Variants in TASL observed in about 807,000 individuals in gnomAD.
The protein encoded by TASL is TLR adapter interacting with SLC15A4 on the lysosome.
A neutral mutation model predicts 12.9 loss-of-function variants in TASL; 6 were observed. The ratio of observed to expected loss-of-function variants is 0.46; its 90% CI spans 0.25 to 0.92. The LOEUF is 0.92. TASL is among the 40% of genes least tolerant of loss of function. The probability of loss-of-function intolerance (pLI) is 0.17; values close to 1 mark genes in which losing one functional copy is unlikely to be tolerated. For missense variants in TASL, 165 were observed against 212.8 expected (o/e 0.78, Z 1.40); for synonymous variants, 85 against 79.3 (o/e 1.07, Z -0.38).
chrX:30,566,020 C>T (rs953918889), intron 2 of TASL, among the ~76,000 whole-genome samples: 5 of 110,437 alleles, frequency 4.5e-5, no homozygotes, highest in Non-Finnish European at 7.6e-5. Flanking sequence ...ATCCACCTAC[C>T]TTGGCCTCCC....
At chrX:30,571,155 GAAC>G (rs1428408758) in intron 2 of TASL, among the ~76,000 whole-genome samples, 1 of 103,554 alleles carries the variant, frequency 9.7e-6, no homozygotes, top group Non-Finnish European at 2.0e-5. Flanking sequence ...ATTCCAGCCT[GAAC>G]AACAAGAGCA....
chrX:30,572,995 G>A (rs751244998), intron 2 of TASL, among the ~76,000 whole-genome samples: 3 of 112,140 alleles, frequency 2.7e-5, no homozygotes, highest in South Asian at 7.5e-4. Flanking sequence ...GCTGTATGCC[G>A]AGTGCTTTCC....
intron 2 of TASL, among the ~76,000 whole-genome samples, chrX:30,572,177 T>C (rs1051167753): frequency 2.7e-5 from 3 of 112,078 alleles, no homozygotes; most frequent in African/African-American, 9.7e-5. Flanking sequence ...ATTAACCTTA[T>C]GTGCAAATTC....
Position 30,559,397 on chromosome X carries a change from A to G in TASL, c.*53T>C, listed in dbSNP as rs1189602365. 5 of 934,943 alleles carry G rather than the reference A, an allele frequency of 5.3e-6. No individual in the cohort carries two copies. The highest frequency in any genetic ancestry group is 7.4e-6 in the Non-Finnish European group (5 of 674,294). 77.0% of individuals were successfully genotyped at this position (934,943 alleles called of 1,213,427 possible). ...CTGCACATTCTCAGAATAAATGGAT[A>G]AAGTGTTGCTTCATGTTTAAGTAAA... On this transcript the variant is annotated 3_prime_UTR_variant, in exon 3 of 3. Coordinates refer to ENST00000378962, the MANE Select transcript of TASL (RefSeq NM_025159.3).
intron 1 of TASL, among the ~76,000 whole-genome samples, chrX:30,577,147 T>A: frequency 8.9e-6 from 1 of 112,297 alleles, no homozygotes; most frequent in Middle Eastern, 4.6e-3. Context: ...CTGAACTGAA[T>A]AATTGAGAGT....
At chrX:30,562,980 A>C (rs756910249) in intron 2 of TASL, among the ~76,000 whole-genome samples, 1 of 110,059 alleles carries the variant, frequency 9.1e-6, no homozygotes, top group Admixed American at 9.7e-5. Flanking sequence ...GTACAACAAC[A>C]TTTTAGAAGC....
rs745763108 is a variant in TASL, at chrX:30,571,466, A to C, written c.-2+5286T>G. Reference sequence around the variant, plus strand: ...AAACCCCATCTTTACTAAAAATACAAAAAATTAGCAGGGCGTGGTGGTGCA... The same window carrying C: ...AAACCCCATCTTTACTAAAAATACACAAAATTAGCAGGGCGTGGTGGTGCA... On this transcript the variant is annotated intron_variant, in intron 2 of 2. Transcript: ENST00000378962. 3.7e-5 allele frequency among the ~76,000 whole-genome samples: 4 copies of C among 106,860 alleles called. No individual in the cohort carries two copies. The South Asian group carries it at 1.3e-3, about 34-fold the overall frequency. The allele number at this position is 106,860 out of a possible 115,157, so 92.8% of individuals were successfully genotyped here. A position where few individuals can be genotyped will look rare whatever the true frequency, so the allele number is the denominator to read the frequency against.
In TASL at chrX:30,559,747, A is replaced by G; in HGVS notation, c.609T>C (p.Asn203=). 1 of 1,211,239 alleles carries G rather than the reference A, an allele frequency of 8.3e-7. No individual in the cohort carries two copies. The highest frequency in any genetic ancestry group is 3.0e-5 in the East Asian group (1 of 33,863). The change falls in exon 3 of 3, where the codon AAT becomes AAC. Residue 203 remains asparagine, a synonymous_variant. Coordinates refer to ENST00000378962, the MANE Select transcript of TASL (RefSeq NM_025159.3). ...CATTCAGAACTGCATTAGAAATAGGATTCTGCATTTGCAAGCTGCTTTTCT... is the reference window on the plus strand; with the variant it reads ...CATTCAGAACTGCATTAGAAATAGGGTTCTGCATTTGCAAGCTGCTTTTCT... ...IKEKSSLQMQ[N]PISNAVLNEY...
chrX:30,560,442 C>T (rs1233521833), intron 2 of TASL, 86 bp from the exon 3 acceptor site: 3 of 647,385 alleles, frequency 4.6e-6, no homozygotes, highest in African/African-American at 2.3e-5. Context: ...AAAATAAGGA[C>T]AATGAATAAA....
rs1409971005 is a variant in TASL, at chrX:30,560,147, G to A, written c.209C>T (p.Ser70Leu). Residue 70 changes from serine to leucine, a missense_variant, in exon 3 of 3, where the codon TCA becomes TTA. Physicochemically the swap from Ser to Leu is moderately radical, Grantham distance 145. Coordinates refer to ENST00000378962, the MANE Select transcript of TASL (RefSeq NM_025159.3). ...SSGKFISSVH[S>L]RESQHSRSQR... is the part of the protein sequence containing the mutation. ...ACTTCTGCTATGTTGGCTCTCTCTT[G>A]AATGCACTGAAGAGATAAACTTGCC... The A allele has an allele frequency of 8.3e-7, 1 of 1,209,354 alleles. No homozygotes were observed. Among genetic ancestry groups the A allele is most frequent in the Non-Finnish European group, 1.1e-6 (1 of 893,849 alleles).
Position 30,560,268 on chromosome X carries a change from C to T in TASL, c.88G>A (p.Glu30Lys). 8.3e-7 allele frequency: 1 copy of T among 1,208,841 alleles called. No individual in the cohort carries two copies. Among genetic ancestry groups the T allele is most frequent in the Non-Finnish European group, 1.1e-6 (1 of 893,097 alleles). Residue 30 changes from glutamate (E) to lysine (K), a missense_variant, in exon 3 of 3, where the codon GAA becomes AAA. Glu to Lys is a moderately conservative substitution (Grantham distance 56). Transcript: ENST00000378962. ...CASYNEQVAG[E>K]KEEETNSVAT... ...ACAGAATTTGTCTCCTCTTCCTTTT[C>T]CCCAGCCACCTGCTCATTATAAGAG...
intron 2 of TASL, among the ~76,000 whole-genome samples, chrX:30,571,278 GAAAGAA>G (rs1555998463): frequency 2.7e-5 from 2 of 74,596 alleles, no homozygotes; most frequent in Non-Finnish European, 5.2e-5. Context: ...AAGAAAGAAA[GAAAGAA>G]AGAAAGAAAG....
At chrX:30,570,140 G>A (rs899865794) in intron 2 of TASL, among the ~76,000 whole-genome samples, 4 of 109,947 alleles carry the variant, frequency 3.6e-5, no homozygotes, top group Non-Finnish European at 7.6e-5. Flanking sequence ...ATCTACAAAC[G>A]TCTTCCAGTG....
intron 2 of TASL, among the ~76,000 whole-genome samples, chrX:30,561,519 C>A (rs1930423465): frequency 9.0e-6 from 1 of 111,553 alleles, no homozygotes; most frequent in African/African-American, 3.3e-5. Context: ...CTGAAACAGA[C>A]CTGTCAACTT....
intron 2 of TASL, among the ~76,000 whole-genome samples, chrX:30,571,370 A>G (rs1217363665): frequency 9.2e-6 from 1 of 108,445 alleles, no homozygotes; most frequent in African/African-American, 3.4e-5. Context: ...TGTAATCTCA[A>G]CACTTTGGGA....
chrX:30,571,256 G>GAAAGAAAGAAAGAAAGAAAAAGAA (rs1179232270), intron 2 of TASL, among the ~76,000 whole-genome samples: 1 of 36,803 alleles, frequency 2.7e-5, no homozygotes, highest in African/African-American at 1.4e-4. Context: ...GAGAAAGAAA[G>GAAAGAAAGAAAGAAAGAAAAAGAA]AGAAAGAAAG....
intron 2 of TASL, among the ~76,000 whole-genome samples, chrX:30,571,262 GAAAGAAAGAAA>G (rs1930599873): frequency 3.7e-5 from 1 of 27,321 alleles, no homozygotes; most frequent in Admixed American, 4.4e-4. Context: ...GAAAGAGAAA[GAAAGAAAGAAA>G]GAAAGAAAGA....
In TASL at chrX:30,559,795, A is replaced by G. The variant is rs892502392; in HGVS notation, c.561T>C (p.Tyr187=). The part of the protein sequence containing the change: ...PQKPIQRYSS[Y]WRITSIKEKS... ...TCTCTTTGATGCTTGTTATTCTCCAATAGGATGAGTACCGCTGGATAGGTT... is the reference window on the plus strand; with the variant it reads ...TCTCTTTGATGCTTGTTATTCTCCAGTAGGATGAGTACCGCTGGATAGGTT... Residue 187 remains tyrosine, a synonymous_variant, in exon 3 of 3, where the codon TAT becomes TAC. Transcript: ENST00000378962. The G allele has an allele frequency of 2.5e-6, 3 of 1,209,164 alleles. No individual in the cohort carries two copies. The highest frequency in any genetic ancestry group is 3.0e-5 in the East Asian group (1 of 33,778).
chrX:30,564,697 A>G (rs781120653), intron 2 of TASL, among the ~76,000 whole-genome samples: 1 of 112,219 alleles, frequency 8.9e-6, no homozygotes, highest in Non-Finnish European at 1.9e-5. Context: ...AGTCTCAAAT[A>G]GCTGATTTTC....
Sources: allele counts gnomAD v4.1 joint callset (sites outside exome capture counted in the v4.1 genomes callset), GRCh38; gene constraint gnomAD v4.1.1; transcripts MANE v1.5; gene names NCBI Gene and HGNC (gene_info 2026-07-23, HGNC 2026-07-21).